Variants in DOCK3 observed in about 807,000 individuals in gnomAD.
DOCK3 encodes the protein dedicator of cytokinesis 3, also known as dedicator of cytokinesis protein 3.
DOCK3 carries 60 observed loss-of-function variants against 265.6 expected under a neutral mutation model. The observed-to-expected ratio is 0.23, with a 90% confidence interval of 0.18 to 0.28. The LOEUF (loss-of-function observed/expected upper bound fraction) is 0.28. DOCK3 is among the 10% of genes least tolerant of loss of function. The pLI is 1.00. For missense variants in DOCK3, 1,981 were observed against 2,594.3 expected (o/e 0.76, Z 5.14); for synonymous variants, 881 against 938.0 (o/e 0.94, Z 1.11).
intron 27 of DOCK3, among the ~76,000 whole-genome samples, chr3:51,305,609 T>G (rs2109409652): frequency 6.6e-6 from 1 of 152,172 alleles, no homozygotes; most frequent in South Asian, 2.1e-4. Context: ...TGCTATGTGC[T>G]TTATATAGGT....
At chr3:50,977,933 C>A (rs1228393465) in intron 5 of DOCK3, among the ~76,000 whole-genome samples, 1 of 152,156 alleles carries the variant, frequency 6.6e-6, no homozygotes, top group Admixed American at 6.5e-5. Flanking sequence ...CAGTTGATCG[C>A]ATCGGCTCCT....
At chr3:51,280,968 A>G (rs901586381) in intron 27 of DOCK3, among the ~76,000 whole-genome samples, 4 of 151,912 alleles carry the variant, frequency 2.6e-5, no homozygotes, top group African/African-American at 7.3e-5. Flanking sequence ...GTTATTATCT[A>G]TTTTCCTCTT....
intron 51 of DOCK3, among the ~76,000 whole-genome samples, chr3:51,378,035 G>A (rs2088280715): frequency 6.6e-6 from 1 of 152,202 alleles, no homozygotes; most frequent in Non-Finnish European, 1.5e-5. Flanking sequence ...GCATCTTGTA[G>A]GGAGCATGGG....
chr3:50,870,562 A>G (rs755876446), intron 3 of DOCK3, among the ~76,000 whole-genome samples: 1 of 151,992 alleles, frequency 6.6e-6, no homozygotes, highest in African/African-American at 2.4e-5. Flanking sequence ...TCGTTTATTC[A>G]ACTGTGCTAT....
At chr3:51,245,977 G>A (rs900599918) in intron 21 of DOCK3, among the ~76,000 whole-genome samples, 9 of 152,110 alleles carry the variant, frequency 5.9e-5, no homozygotes, top group South Asian at 2.1e-4. Context: ...TGACCATGGC[G>A]TATACTCCTG....
chr3:51,081,384 A>G (rs937149496), intron 7 of DOCK3, among the ~76,000 whole-genome samples: 1 of 152,194 alleles, frequency 6.6e-6, no homozygotes, highest in East Asian at 1.9e-4. Flanking sequence ...GCCAGGGTTT[A>G]CTTCTAAATG....
intron 13 of DOCK3, among the ~76,000 whole-genome samples, chr3:51,209,118 A>G (rs1324144514): frequency 6.6e-6 from 1 of 152,204 alleles, no homozygotes; most frequent in Non-Finnish European, 1.5e-5. Context: ...ATTCAAATCC[A>G]GAGTGAGCAA....
chr3:50,865,637 T>C (rs1410024691), intron 3 of DOCK3, among the ~76,000 whole-genome samples: 1 of 152,224 alleles, frequency 6.6e-6, no homozygotes, highest in East Asian at 1.9e-4. Context: ...CTCTTCGATA[T>C]ACTGATTTCC....
At chr3:51,091,642 C>A (rs2082642098) in intron 9 of DOCK3, among the ~76,000 whole-genome samples, 1 of 140,424 alleles carries the variant, frequency 7.1e-6, no homozygotes, top group African/African-American at 2.7e-5. Context: ...GGGATGGTGC[C>A]ACTGCACTAT....
intron 5 of DOCK3, among the ~76,000 whole-genome samples, chr3:51,061,871 A>T (rs1207257701): frequency 6.6e-6 from 1 of 152,256 alleles, no homozygotes; most frequent in Non-Finnish European, 1.5e-5. Context: ...TCAGTGTCAG[A>T]CTTAGCATGT....
chr3:50,906,524 C>T (rs913001089), intron 4 of DOCK3, among the ~76,000 whole-genome samples: 3 of 152,038 alleles, frequency 2.0e-5, no homozygotes, highest in African/African-American at 4.8e-5. Context: ...TTATCCATTT[C>T]TTCTAGATTT....
chr3:50,946,011 G>C (rs1402079027), intron 5 of DOCK3, among the ~76,000 whole-genome samples: 1 of 146,884 alleles, frequency 6.8e-6, no homozygotes, highest in Non-Finnish European at 1.5e-5. Flanking sequence ...AAGATCATTT[G>C]AGCCCAGGAG....
At chr3:50,698,517 G>GTTTTGTTTTTTTTTTTTTTTT (rs2035794713) in intron 1 of DOCK3, among the ~76,000 whole-genome samples, 1 of 19,506 alleles carries the variant, frequency 5.1e-5, no homozygotes, top group Non-Finnish European at 1.2e-4. Flanking sequence ...TATGTTTTTG[G>GTTTTGTTTTTTTTTTTTTTTT]TTTTTTTTTT....
intron 9 of DOCK3, among the ~76,000 whole-genome samples, chr3:51,098,414 T>C (rs531024204): frequency 1.3e-5 from 2 of 152,322 alleles, no homozygotes; most frequent in South Asian, 2.1e-4. Flanking sequence ...TTGCATAAAC[T>C]AAACTTTTTC....
intron 5 of DOCK3, among the ~76,000 whole-genome samples, chr3:51,016,733 C>CA (rs2079309713): frequency 2.1e-4 from 2 of 9,702 alleles, no homozygotes; most frequent in African/African-American, 9.0e-4. Flanking sequence ...ATATATGATA[C>CA]ATATTATATA....
At chr3:51,267,765 G>C (rs889686667) in intron 23 of DOCK3, among the ~76,000 whole-genome samples, 55 of 152,158 alleles carry the variant, frequency 3.6e-4, no homozygotes, top group African/African-American at 1.2e-3. Context: ...TCATAGACTA[G>C]ATAAAGAAAA....
chr3:51,315,135 C>T lies in DOCK3; in HGVS notation c.3402+7C>T. The T allele has an allele frequency of 6.3e-7, 1 of 1,599,020 alleles. No homozygotes were observed. On this transcript the variant is annotated splice_region_variant and intron_variant, in intron 32 of 52. Transcript: ENST00000266037. ...AAATGGCAACTTCAAACAGGTAAGACACCTGGCAGTGTTCGGGGTATTCTC... is the reference window on the plus strand; with the variant it reads ...AAATGGCAACTTCAAACAGGTAAGATACCTGGCAGTGTTCGGGGTATTCTC...
intron 2 of DOCK3, among the ~76,000 whole-genome samples, chr3:50,803,681 G>T (rs1576479937): frequency 6.6e-6 from 1 of 150,720 alleles, no homozygotes; most frequent in Non-Finnish European, 1.5e-5. Context: ...TCCCAGATGG[G>T]GCGGCTACCA....
chr3:50,938,032 T>C (rs1323772458), intron 5 of DOCK3, among the ~76,000 whole-genome samples: 1 of 151,972 alleles, frequency 6.6e-6, no homozygotes, highest in Non-Finnish European at 1.5e-5. Context: ...AGGTTACAGA[T>C]AGAAAAATAT....
Sources: gnomAD v4.1 joint callset for allele counts (sites outside exome capture counted in the v4.1 genomes callset) on GRCh38, gnomAD v4.1.1 for gene constraint, MANE v1.5 for transcripts, NCBI Gene and HGNC (gene_info 2026-07-23, HGNC 2026-07-21) for gene names.